The following MYO3A variants were observed in gnomAD, a reference collection of about 807,000 sequenced individuals.
The protein encoded by MYO3A is myosin-IIIa.
In MYO3A, 180 loss-of-function variants were observed where a neutral mutation model predicts 192.7. The ratio of observed to expected loss-of-function variants is 0.93; its 90% CI spans 0.83 to 1.06. MYO3A has a LOEUF of 1.06. Ranked by LOEUF, MYO3A falls within the 50% of genes least tolerant of loss-of-function variation. The probability of loss-of-function intolerance (pLI) is 0.00; values close to 1 mark genes in which losing one functional copy is unlikely to be tolerated. For missense variants in MYO3A, 1,896 were observed against 1,905.0 expected, an observed-to-expected ratio of 1.00 and a Z score of 0.09; for synonymous variants, 628 against 645.3, an observed-to-expected ratio of 0.97 and a Z score of 0.41.
At chr10:26,016,182 A>C (rs1455618358) in intron 6 of MYO3A, among the ~76,000 whole-genome samples, 1 of 152,216 alleles carries the variant, frequency 6.6e-6, no homozygotes, top group Non-Finnish European at 1.5e-5. Flanking sequence ...GAATGACATG[A>C]CTGAAATATT....
At chr10:26,171,054 C>T (rs969377012) in intron 29 of MYO3A, among the ~76,000 whole-genome samples, 2 of 152,196 alleles carry the variant, frequency 1.3e-5, no homozygotes, top group African/African-American at 2.4e-5. Context: ...CCTCAAATTT[C>T]TCAGAGTATT....
At chr10:25,980,834 C>T (rs1051469212) in intron 4 of MYO3A, among the ~76,000 whole-genome samples, 1 of 152,024 alleles carries the variant, frequency 6.6e-6, no homozygotes, top group African/African-American at 2.4e-5. Context: ...ACAACTAAGC[C>T]AAGGATGATA....
At chr10:26,149,244 G>GT (rs904607294) in intron 23 of MYO3A, among the ~76,000 whole-genome samples, 4 of 150,810 alleles carry the variant, frequency 2.7e-5, no homozygotes, top group Admixed American at 6.6e-5. Flanking sequence ...TGTTTTTCAT[G>GT]TTTTTTTTGA....
At chr10:26,185,678 T>G (rs1842834516) in intron 31 of MYO3A, among the ~76,000 whole-genome samples, 1 of 152,140 alleles carries the variant, frequency 6.6e-6, no homozygotes, top group African/African-American at 2.4e-5. Flanking sequence ...TTTTGTTTTC[T>G]TTTTCTCTTT....
At chr10:25,998,735 T>C (rs1399068413) in intron 6 of MYO3A, among the ~76,000 whole-genome samples, 1 of 152,132 alleles carries the variant, frequency 6.6e-6, no homozygotes, top group Non-Finnish European at 1.5e-5. Context: ...GATTGAAAAT[T>C]GTTAAAACAA....
chr10:25,994,648 T>C (rs188845569), intron 4 of MYO3A, among the ~76,000 whole-genome samples: 14,534 of 152,166 alleles, frequency 0.096, 1,210 homozygotes, highest in African/African-American at 0.22. Context: ...TGGCTGGTAC[T>C]GGTTGTTCCT....
At chr10:26,062,688 G>T (rs1344864605) in intron 10 of MYO3A, among the ~76,000 whole-genome samples, 1 of 151,952 alleles carries the variant, frequency 6.6e-6, no homozygotes, top group Non-Finnish European at 1.5e-5. Flanking sequence ...GCAAATTGAG[G>T]ACTGTACACC....
chr10:26,140,743 C>G (rs1840114034), intron 20 of MYO3A, among the ~76,000 whole-genome samples: 1 of 151,182 alleles, frequency 6.6e-6, no homozygotes, highest in African/African-American at 2.4e-5. Context: ...TGTGGGATTT[C>G]CTAACATCTA....
At chr10:26,179,002 C>T (rs1038020993) in intron 31 of MYO3A, among the ~76,000 whole-genome samples, 6 of 150,086 alleles carry the variant, frequency 4.0e-5, no homozygotes, top group African/African-American at 1.2e-4. Context: ...GGGGTTTCAC[C>T]ATGTTAGCCA....
intron 17 of MYO3A, among the ~76,000 whole-genome samples, chr10:26,097,872 G>A (rs542865847): frequency 8.0e-4 from 121 of 151,934 alleles, no homozygotes; most frequent in African/African-American, 2.7e-3. Context: ...TTTTTTGCAT[G>A]TGTGCATGCA....
chr10:26,117,534 C>T (rs1838587360), intron 17 of MYO3A, among the ~76,000 whole-genome samples: 1 of 152,150 alleles, frequency 6.6e-6, no homozygotes, highest in Non-Finnish European at 1.5e-5. Flanking sequence ...TGTTGTTCTC[C>T]TCTATGTGTC....
At chr10:25,997,336 CT>C (rs748087490) in intron 6 of MYO3A, 78 bp downstream of exon 6, 111 of 1,101,062 alleles carry the variant, frequency 1.0e-4, no homozygotes, top group Non-Finnish European at 1.5e-4. Flanking sequence ...TTCGAATGGC[CT>C]TCCTTTCTAG....
In MYO3A at chr10:26,062,530, A is replaced by AAAAAAAAAAAAAACG. The variant is rs1554816581; in HGVS notation, c.954-4442_954-4441insAAAAAAAAAACGAAA. Among the ~76,000 whole-genome samples, 25 of 125,942 alleles carry AAAAAAAAAAAAAACG rather than the reference A, an allele frequency of 2.0e-4. 1 individual carries two copies. The highest frequency in any genetic ancestry group is 3.7e-4 in the African/African-American group (13 of 34,906). The allele number at this position is 125,942 out of a possible 152,430, so 82.6% of individuals were successfully genotyped here. The stretch of plus-strand genomic sequence containing the variant: ...GATGCCATCTCAAAAAAAAAAAAAA[A>AAAAAAAAAAAAAACG]AAATTATGGAGGAATCTAATTAAGA... On this transcript the variant is annotated intron_variant, in intron 10 of 34. Transcript: ENST00000642920.
Position 26,081,136 on chromosome 10 carries a change from CCCCCCCCCCG to C in MYO3A, c.1360-7061_1360-7052del, listed in dbSNP as rs1402507240. ...AATTCCCAAGATTATATGCCCTTCC[CCCCCCCCCCG>C]CCCCCGCTACCAGGGTGGGTAGGGA... On this transcript the variant is annotated intron_variant, in intron 14 of 34. Coordinates refer to ENST00000642920, the MANE Select transcript of MYO3A (RefSeq NM_017433.5). Among the ~76,000 whole-genome samples the C allele has an allele frequency of 2.2e-4, 23 of 106,712 alleles. 1 individual carries two copies. Among genetic ancestry groups the C allele is most frequent in the Admixed American group, 8.4e-4 (10 of 11,960 alleles). 70.0% of individuals were successfully genotyped at this position (106,712 alleles called of 152,430 possible). A position where few individuals can be genotyped will look rare whatever the true frequency, so the allele number is the denominator to read the frequency against.
chr10:26,149,100 C>A (rs1053635728), intron 23 of MYO3A, among the ~76,000 whole-genome samples: 1 of 152,030 alleles, frequency 6.6e-6, no homozygotes, highest in African/African-American at 2.4e-5. Context: ...TTTAGTCTTT[C>A]ACCACTGAGT....
intron 10 of MYO3A, among the ~76,000 whole-genome samples, chr10:26,066,431 C>T (rs970597136): frequency 2.0e-5 from 3 of 152,162 alleles, no homozygotes; most frequent in Admixed American, 6.5e-5. Flanking sequence ...AAATCAAGAT[C>T]TTTATGCTGT....
At chr10:26,182,373 C>G (rs2132086470) in intron 31 of MYO3A, among the ~76,000 whole-genome samples, 1 of 152,320 alleles carries the variant, frequency 6.6e-6, no homozygotes, top group East Asian at 1.9e-4. Flanking sequence ...AGCTTGTGAT[C>G]AGATGTGCTC....
chr10:26,145,738 A>G (rs1170988852), intron 22 of MYO3A, among the ~76,000 whole-genome samples: 1 of 152,208 alleles, frequency 6.6e-6, no homozygotes, highest in Admixed American at 6.5e-5. Flanking sequence ...TGGAGGCCAG[A>G]CCCACTCCAG....
chr10:25,971,475 G>A (rs1014394205), intron 4 of MYO3A, among the ~76,000 whole-genome samples: 1 of 125,246 alleles, frequency 8.0e-6, no homozygotes, highest in South Asian at 2.5e-4. Context: ...AGATCACTAT[G>A]TGAGATCACT....
Sources: gnomAD v4.1 joint callset for allele counts (sites outside exome capture counted in the v4.1 genomes callset) on GRCh38, gnomAD v4.1.1 for gene constraint, MANE v1.5 for transcripts, NCBI Gene and HGNC (gene_info 2026-07-23, HGNC 2026-07-21) for gene names.